RBM17: variants seen among roughly 807,000 people sequenced by gnomAD.
The protein encoded by RBM17 is RNA binding motif protein 17, also known as splicing factor 45.
In RBM17, 7 loss-of-function variants were observed where a neutral mutation model predicts 53.2. The ratio of observed to expected loss-of-function variants is 0.13; its 90% CI spans 0.07 to 0.25. RBM17 has a LOEUF of 0.25. RBM17 is among the 10% of genes least tolerant of loss of function. The probability of loss-of-function intolerance (pLI) is 1.00; values close to 1 mark genes in which losing one functional copy is unlikely to be tolerated. For missense variants in RBM17, 257 were observed against 496.7 expected, an observed-to-expected ratio of 0.52 and a Z score of 4.59; for synonymous variants, 167 against 178.1, an observed-to-expected ratio of 0.94 and a Z score of 0.50.
intron 10 of RBM17, 99 bp from the exon 11 acceptor site, chr10:6,115,140 G>A: frequency 2.2e-6 from 2 of 911,130 alleles, no homozygotes; most frequent in Non-Finnish European, 3.4e-6. Context: ...TGTATATGAT[G>A]ATAATTAGAA....
At chr10:6,090,240 A>G (rs954855080) in intron 1 of RBM17, among the ~76,000 whole-genome samples, 2 of 152,172 alleles carry the variant, frequency 1.3e-5, no homozygotes, top group African/African-American at 4.8e-5. Context: ...TAAGGGCAAG[A>G]TTCGCATATA....
At chr10:6,090,240 A>T (rs954855080) in intron 1 of RBM17, among the ~76,000 whole-genome samples, 9 of 152,172 alleles carry the variant, frequency 5.9e-5, no homozygotes, top group Non-Finnish European at 1.0e-4. Context: ...TAAGGGCAAG[A>T]TTCGCATATA....
intron 9 of RBM17, 165 bp from the exon 10 acceptor site, chr10:6,113,884 A>G (rs2274358): frequency 0.27 from 160,642 of 602,096 alleles, 23,824 homozygotes; most frequent in Middle Eastern, 0.36. Flanking sequence ...TATATGTTTT[A>G]GTGTTTTAAG....
intron 1 of RBM17, among the ~76,000 whole-genome samples, chr10:6,092,675 GATTA>G (rs1840504970): frequency 6.6e-6 from 1 of 152,216 alleles, no homozygotes; most frequent in Non-Finnish European, 1.5e-5. Context: ...ATGTTACTAT[GATTA>G]ATCCCATTCT....
intron 5 of RBM17, among the ~76,000 whole-genome samples, chr10:6,108,188 A>T (rs564667468): frequency 1.3e-5 from 2 of 152,204 alleles, no homozygotes. Flanking sequence ...GTGGTGGGGG[A>T]GATATGGCAA....
At chr10:6,093,328 CT>C (rs1335120867) in intron 1 of RBM17, among the ~76,000 whole-genome samples, 1 of 152,172 alleles carries the variant, frequency 6.6e-6, no homozygotes, top group Non-Finnish European at 1.5e-5. Context: ...ATTCTCCTAT[CT>C]CACCCTCTTG....
chr10:6,112,420 C>T lies in RBM17; in HGVS notation c.856+59C>T. 6.3e-7 allele frequency: 1 copy of T among 1,589,386 alleles called. No homozygotes were observed. Among genetic ancestry groups the T allele is most frequent in the Non-Finnish European group, 8.6e-7 (1 of 1,161,326 alleles). ...AAGGACTGGCCCCATCCATATCAGA[C>T]ATGGCCAGTCTTGATCCTCATGTGT... is the stretch of plus-strand genomic sequence containing the variant. On this transcript the variant is annotated intron_variant, in intron 8 of 11. Transcript: ENST00000379888. This position sits in a 1 kb window ranked among gnomAD's most constrained non-coding sequence, Gnocchi z 4.4.
chr10:6,095,493 C>T (rs1469265551), intron 1 of RBM17, among the ~76,000 whole-genome samples: 5 of 152,096 alleles, frequency 3.3e-5, no homozygotes, highest in Non-Finnish European at 7.3e-5. Context: ...GGATTACAGG[C>T]GTGAGCCACC....
chr10:6,098,156 T>C (rs1305895625), intron 2 of RBM17, among the ~76,000 whole-genome samples: 1 of 152,174 alleles, frequency 6.6e-6, no homozygotes, highest in African/African-American at 2.4e-5. Flanking sequence ...TAGAGATCTT[T>C]ATGTTCTAGA....
At position 6,108,760 on chromosome 10, in the gene RBM17, T is replaced by C. The variant is rs1169660308; in HGVS notation, c.562+18T>C. On this transcript the variant is annotated intron_variant, in intron 6 of 11. Transcript: ENST00000379888. ...CAAAGAGTGTAAGTAGATCTGTTTC[T>C]TCCTCTTTTATTCTGATACAGGTCT... 1 of 1,596,846 alleles carries C rather than the reference T, an allele frequency of 6.3e-7. No individual in the cohort carries two copies. Among genetic ancestry groups the C allele is most frequent in the African/African-American group, 1.3e-5 (1 of 74,494 alleles).
In RBM17 at chr10:6,095,023, C is replaced by G. The variant is rs147021894; in HGVS notation, c.-18-2025C>G. On this transcript the variant is annotated intron_variant, in intron 1 of 11. Coordinates refer to ENST00000379888, the MANE Select transcript of RBM17 (RefSeq NM_032905.5). ...GAAGTGGACATCAGGGGATTCCCTC[C>G]AAGACTTTGAGGACATGGTTATATT... 3.3e-5 allele frequency among the ~76,000 whole-genome samples: 5 copies of G among 152,198 alleles called. 1 individual carries two copies. Among genetic ancestry groups the G allele is most frequent in the African/African-American group, 1.2e-4 (5 of 41,516 alleles).
In RBM17 at chr10:6,117,382, A is replaced by G; in HGVS notation, c.*1826A>G. 6.6e-6 allele frequency: 1 copy of G among 152,226 alleles called. No individual in the cohort carries two copies. The highest frequency in any genetic ancestry group is 1.9e-4 in the East Asian group (1 of 5,204). The allele number at this position is 152,226 out of a possible 1,614,324, so 9.4% of individuals were successfully genotyped here. On this transcript the variant is annotated 3_prime_UTR_variant, in exon 12 of 12. Coordinates refer to ENST00000379888, the MANE Select transcript of RBM17 (RefSeq NM_032905.5). ...GAGAAATTTGAAATTAATTTTCAAT[A>G]TTAACATTTAAGCTAATATAAAAAT...
chr10:6,092,865 C>T (rs1840507890), intron 1 of RBM17, among the ~76,000 whole-genome samples: 1 of 152,154 alleles, frequency 6.6e-6, no homozygotes, highest in South Asian at 2.1e-4. Context: ...GAAATGAGGA[C>T]CTTTAAATGA....
chr10:6,094,471 T>C (rs1365119022), intron 1 of RBM17, among the ~76,000 whole-genome samples: 2 of 152,254 alleles, frequency 1.3e-5, no homozygotes, highest in Non-Finnish European at 2.9e-5. Flanking sequence ...TCTCAGAATC[T>C]GTTAGTATTC....
rs1840910834 is a variant in RBM17 at position 6,115,992 on chromosome 10, T to C, written c.*436T>C. On this transcript the variant is annotated 3_prime_UTR_variant, in exon 12 of 12. Coordinates refer to ENST00000379888, the MANE Select transcript of RBM17 (RefSeq NM_032905.5). The stretch of plus-strand genomic sequence containing the variant: ...AGTTACTAAATTGTAGTTTCATAAA[T>C]TCTGTAGTAAAGTATCATCTTGGCA... 6.5e-6 allele frequency: 1 copy of C among 152,986 alleles called. No homozygotes were observed. The highest frequency in any genetic ancestry group is 6.5e-5 in the Admixed American group (1 of 15,320). 9.5% of individuals were successfully genotyped at this position (152,986 alleles called of 1,614,324 possible).
chr10:6,108,322 A>G, intron 5 of RBM17, among the ~76,000 whole-genome samples: 1 of 152,152 alleles, frequency 6.6e-6, no homozygotes, highest in East Asian at 1.9e-4. Flanking sequence ...GGCCATGTGT[A>G]TAAAGGGCCT....
rs931737507 is a variant in RBM17 at position 6,098,046 on chromosome 10, C to T, written c.123+858C>T. On this transcript the variant is annotated intron_variant, in intron 2 of 11. Transcript: ENST00000379888. ...TGTACATGTTGGGTATTGGCAATGT[C>T]CTTGAAATAACATGTAAAACATTAA... Among the ~76,000 whole-genome samples the T allele has an allele frequency of 1.1e-3, 6 of 5,548 alleles. No homozygotes were observed. The Non-Finnish European group carries it at 0.02, about 18-fold the overall frequency. The allele number at this position is 5,548 out of a possible 152,430, so 3.6% of individuals were successfully genotyped here.
rs398012715 is a variant in RBM17 at position 6,098,563 on chromosome 10, G to GTTTTT, written c.123+1401_123+1405dup. ...AATTTCCGTAATACACAGGTTTTTT[G>GTTTTT]TTTTTTTTTTTTTTTTTTTTTTTTT... is the stretch of plus-strand genomic sequence containing the variant. On this transcript the variant is annotated intron_variant, in intron 2 of 11. Coordinates refer to ENST00000379888, the MANE Select transcript of RBM17 (RefSeq NM_032905.5). Among the ~76,000 whole-genome samples, 156 of 46,648 alleles carry GTTTTT rather than the reference G, an allele frequency of 3.3e-3. 13 individuals are homozygous for GTTTTT. The highest frequency in any genetic ancestry group is 4.3e-3 in the Non-Finnish European group (97 of 22,530). The allele number at this position is 46,648 out of a possible 152,430, so 30.6% of individuals were successfully genotyped here.
chr10:6,099,024 G>GT (rs1299286983), intron 2 of RBM17, among the ~76,000 whole-genome samples: 2 of 151,344 alleles, frequency 1.3e-5, no homozygotes, highest in Non-Finnish European at 3.0e-5. Flanking sequence ...AGTATTTTGT[G>GT]TTTTTTTTAA....
Sources: allele counts gnomAD v4.1 joint callset (sites outside exome capture counted in the v4.1 genomes callset), GRCh38; gene constraint gnomAD v4.1.1; non-coding constraint Gnocchi (gnomAD v3.1); transcripts MANE v1.5; gene names NCBI Gene and HGNC (gene_info 2026-07-23, HGNC 2026-07-21).